PCDH15: variants seen among roughly 807,000 people sequenced by gnomAD.
PCDH15 encodes protocadherin related 15, also known as protocadherin-15.
A neutral mutation model predicts 178.5 loss-of-function variants in PCDH15; 129 were observed. The observed-to-expected ratio is 0.72, with a 90% CI of 0.63 to 0.84. The LOEUF is 0.84. Ranked by LOEUF, PCDH15 falls within the 40% of genes least tolerant of loss-of-function variation. The pLI is 0.00. For missense variants in PCDH15, 2,230 were observed against 2,099.9 expected (o/e 1.06, Z -1.21); for synonymous variants, 800 against 732.0 (o/e 1.09, Z -1.50).
intron 2 of PCDH15, among the ~76,000 whole-genome samples, chr10:54,994,426 A>G (rs1337974423): frequency 1.3e-5 from 2 of 152,198 alleles, no homozygotes; most frequent in Non-Finnish European, 2.9e-5. Flanking sequence ...ATGCAGTTTT[A>G]TAACAGTAAT....
intron 2 of PCDH15, among the ~76,000 whole-genome samples, chr10:55,520,049 T>A (rs1008806078): frequency 2.1e-5 from 3 of 146,082 alleles, no homozygotes; most frequent in African/African-American, 7.5e-5. Flanking sequence ...TATATACATA[T>A]ATATATATAC....
rs918127063 is a variant in PCDH15, at chr10:54,602,252, ATTCTT to A, written c.91+61915_91+61919del. On this transcript the variant is annotated intron_variant, in intron 2 of 37. Coordinates refer to ENST00000644397, the MANE Select transcript of PCDH15 (RefSeq NM_001384140.1). ...TGATTAAATATATTTCAAAGTATTTATTCTTATTATTATATAAATAGGATTTTTAA... is the reference window on the plus strand; with the variant it reads ...TGATTAAATATATTTCAAAGTATTTAATTATTATATAAATAGGATTTTTAA... 4.6e-5 allele frequency among the ~76,000 whole-genome samples: 7 copies of A among 152,028 alleles called. No individual in the cohort carries two copies. The East Asian group carries it at 1.2e-3, about 25-fold the overall frequency.
intron 2 of PCDH15, among the ~76,000 whole-genome samples, chr10:55,580,150 C>T: frequency 6.6e-6 from 1 of 152,068 alleles, no homozygotes; most frequent in East Asian, 1.9e-4. Flanking sequence ...AGCCACTGTG[C>T]CCGGCCACAT....
At chr10:53,866,590 C>A (rs377238744) in intron 27 of PCDH15, 52 bp downstream of exon 27, 1 of 1,340,970 alleles carries the variant, frequency 7.5e-7, no homozygotes. Flanking sequence ...AAAACACTGA[C>A]CTATGGCTAG....
chr10:53,979,040 C>T (rs903109974), intron 21 of PCDH15, among the ~76,000 whole-genome samples: 4 of 152,132 alleles, frequency 2.6e-5, no homozygotes, highest in African/African-American at 9.7e-5. Flanking sequence ...TGCCTGTTAC[C>T]CAGTTCCACA....
chr10:54,076,404 A>T (rs1309427589), intron 17 of PCDH15, among the ~76,000 whole-genome samples: 1 of 152,132 alleles, frequency 6.6e-6, no homozygotes, highest in African/African-American at 2.4e-5. Flanking sequence ...ATGCAAACTC[A>T]TATCACCTCT....
At chr10:54,578,423 A>T (rs1257657427) in intron 2 of PCDH15, among the ~76,000 whole-genome samples, 1 of 152,130 alleles carries the variant, frequency 6.6e-6, no homozygotes, top group East Asian at 1.9e-4. Flanking sequence ...CAGAACTATT[A>T]ACCTTATAGG....
At chr10:55,077,711 T>C (rs938551301) in intron 2 of PCDH15, among the ~76,000 whole-genome samples, 1 of 152,026 alleles carries the variant, frequency 6.6e-6, no homozygotes, top group African/African-American at 2.4e-5. Context: ...CACACCTGGC[T>C]ACTTTTTGTA....
At chr10:54,279,789 G>C (rs1170386816) in intron 8 of PCDH15, among the ~76,000 whole-genome samples, 1 of 151,590 alleles carries the variant, frequency 6.6e-6, no homozygotes, top group Non-Finnish European at 1.5e-5. Context: ...ACCTTTTCAT[G>C]CTTCACTTAT....
At chr10:55,240,692 A>C (rs368079067) in intron 1 of PCDH15, among the ~76,000 whole-genome samples, 23 of 152,350 alleles carry the variant, frequency 1.5e-4, no homozygotes, top group African/African-American at 5.3e-4. Context: ...TTTTTATGAC[A>C]GTTCACCAGA....
At chr10:54,470,745 C>A (rs760080279) in intron 3 of PCDH15, among the ~76,000 whole-genome samples, 16 of 152,116 alleles carry the variant, frequency 1.1e-4, no homozygotes, top group African/African-American at 1.4e-4. Flanking sequence ...TGTAGCCAAG[C>A]GGGCTGCCTC....
At chr10:54,465,920 AT>A (rs1197190807) in intron 3 of PCDH15, among the ~76,000 whole-genome samples, 2 of 151,756 alleles carry the variant, frequency 1.3e-5, no homozygotes, top group African/African-American at 4.8e-5. Flanking sequence ...ATTTTTTGTC[AT>A]TTTGATAATA....
At chr10:53,998,206 A>G (rs1321186685) in intron 20 of PCDH15, among the ~76,000 whole-genome samples, 1 of 152,176 alleles carries the variant, frequency 6.6e-6, no homozygotes, top group Non-Finnish European at 1.5e-5. Context: ...TAAGAATTGT[A>G]TCACTAAAAC....
chr10:54,098,147 G>A lies in PCDH15; in HGVS notation c.1918-8084C>T, dbSNP rs7095074. 6.9e-3 allele frequency among the ~76,000 whole-genome samples: 1,054 copies of A among 152,044 alleles called. 10 individuals are homozygous for A. The highest frequency in any genetic ancestry group is 0.024 in the African/African-American group (1,000 of 41,470). ...TTTTTACCTATTGTATATACTCTGT[G>A]TGTCTCTATTAATTGCTTCCAAACT... On this transcript the variant is annotated intron_variant, in intron 15 of 37. Transcript: ENST00000644397.
At chr10:54,760,955 T>A (rs1947795166) in intron 1 of PCDH15, among the ~76,000 whole-genome samples, 1 of 152,114 alleles carries the variant, frequency 6.6e-6, no homozygotes, top group Non-Finnish European at 1.5e-5. Flanking sequence ...TGTACAATAC[T>A]ATACAATACA....
intron 2 of PCDH15, among the ~76,000 whole-genome samples, chr10:54,659,063 A>T (rs1031132947): frequency 6.6e-6 from 1 of 152,196 alleles, no homozygotes; most frequent in African/African-American, 2.4e-5. Flanking sequence ...ATTCAACAAG[A>T]TTTAACTGTC....
At chr10:55,268,563 C>T (rs1842359604) in intron 1 of PCDH15, among the ~76,000 whole-genome samples, 1 of 152,078 alleles carries the variant, frequency 6.6e-6, no homozygotes, top group Admixed American at 6.6e-5. Flanking sequence ...TCACCTTTTA[C>T]TGTATTAAAT....
intron 28 of PCDH15, among the ~76,000 whole-genome samples, chr10:53,842,881 T>C (rs1019366396): frequency 6.6e-6 from 1 of 152,200 alleles, no homozygotes; most frequent in African/African-American, 2.4e-5. Context: ...AATTTATGCC[T>C]TCTCCAGTGC....
Position 54,153,290 on chromosome 10 carries a change from TG to T in PCDH15, c.1593del (p.Thr532LeufsTer42). Reference protein sequence around the residue: ...DMRPGDSVIQLTAVDADEGSN... With the variant: ...DMRPGDSVIQXTAVDADEGSN... ...GACCCTTCGTCTGCGTCGACTGCAG[TG>T]AGCTGGAATTGAAAATCACAACATA... On this transcript the variant is annotated frameshift_variant and splice_region_variant, in exon 14 of 38. Coordinates refer to ENST00000644397, the MANE Select transcript of PCDH15 (RefSeq NM_001384140.1). LOFTEE classifies it high-confidence loss of function. The T allele has an allele frequency of 6.2e-7, 1 of 1,613,748 alleles. No homozygotes were observed. Among genetic ancestry groups the T allele is most frequent in the Non-Finnish European group, 8.5e-7 (1 of 1,179,796 alleles).
Sources: allele counts gnomAD v4.1 joint callset (sites outside exome capture counted in the v4.1 genomes callset), GRCh38; gene constraint gnomAD v4.1.1; transcripts MANE v1.5; gene names NCBI Gene and HGNC (gene_info 2026-07-23, HGNC 2026-07-21).